Variants in RIN3 observed in about 807,000 individuals in gnomAD.
RIN3 encodes the protein Ras and Rab interactor 3.
Under a neutral mutation model 76.3 loss-of-function variants are expected in RIN3, and 54 were observed. The observed-to-expected ratio is 0.71, with a 90% CI of 0.57 to 0.89. The LOEUF is 0.89. RIN3 is among the 40% of genes least tolerant of loss of function. RIN3 has a pLI of 0.00. For missense variants in RIN3, 1,256 were observed against 1,322.1 expected (o/e 0.95, Z 0.78); for synonymous variants, 576 against 564.0 (o/e 1.02, Z -0.30).
chr14:92,688,041 A>G lies in RIN3; in HGVS notation c.2747A>G (p.Glu916Gly). 6.3e-7 allele frequency: 1 copy of G among 1,597,638 alleles called. No homozygotes were observed. Among genetic ancestry groups the G allele is most frequent in the Non-Finnish European group, 8.5e-7 (1 of 1,173,716 alleles). Residue 916 changes from glutamate to glycine, a missense_variant, in exon 10 of 10, where the codon GAG becomes GGG. Coordinates refer to ENST00000216487, the MANE Select transcript of RIN3 (RefSeq NM_024832.5). ...CAQCAEKFAV[E>G]RPQAHRLFVL... ...CAGTGCGCGGAGAAGTTCGCGGTGG[A>G]GCGGCCGCAGGCGCACCGGCTGTTC...
intron 1 of RIN3, among the ~76,000 whole-genome samples, chr14:92,522,792 A>G (rs1272411045): frequency 6.6e-6 from 1 of 152,084 alleles, no homozygotes; most frequent in Non-Finnish European, 1.5e-5. Context: ...ACATTTCCCA[A>G]TTTTCTTGCA....
intron 1 of RIN3, among the ~76,000 whole-genome samples, chr14:92,541,213 T>C (rs1400884257): frequency 6.6e-6 from 1 of 152,244 alleles, no homozygotes; most frequent in East Asian, 1.9e-4. Flanking sequence ...ACTACCCATC[T>C]CATAAACCCT....
intron 2 of RIN3, among the ~76,000 whole-genome samples, chr14:92,556,952 G>T (rs1897601619): frequency 6.6e-6 from 1 of 151,922 alleles, no homozygotes; most frequent in Non-Finnish European, 1.5e-5. Context: ...GACACAATGT[G>T]GTACAACCAC....
At chr14:92,565,351 A>G (rs1897889780) in intron 2 of RIN3, among the ~76,000 whole-genome samples, 2 of 152,194 alleles carry the variant, frequency 1.3e-5, no homozygotes, top group African/African-American at 4.8e-5. Context: ...AGGGGTCCCA[A>G]GCCAGACCCT....
At chr14:92,665,374 T>C (rs1219263482) in intron 7 of RIN3, among the ~76,000 whole-genome samples, 2 of 50,950 alleles carry the variant, frequency 3.9e-5, no homozygotes, top group South Asian at 5.1e-4. Context: ...TTGTCTCTTT[T>C]TTTTTTTTTT....
intron 1 of RIN3, among the ~76,000 whole-genome samples, chr14:92,530,267 T>TG (rs1896850679): frequency 6.6e-6 from 1 of 152,218 alleles, no homozygotes; most frequent in African/African-American, 2.4e-5. Flanking sequence ...CCTCCAGTCT[T>TG]GGGGCCTTGG....
intron 5 of RIN3, among the ~76,000 whole-genome samples, chr14:92,650,383 G>T (rs1181696033): frequency 1.3e-5 from 2 of 152,200 alleles, no homozygotes; most frequent in African/African-American, 4.8e-5. Context: ...TCAGGGGTCG[G>T]CAAGATAACC....
chr14:92,687,498 G>T, intron 9 of RIN3: 1 of 190,506 alleles, frequency 5.2e-6, no homozygotes, highest in Non-Finnish European at 1.1e-5. Context: ...TGTGTTGCCC[G>T]CCCGCACTAT....
chr14:92,632,045 C>T (rs1013547938), intron 4 of RIN3, among the ~76,000 whole-genome samples: 1 of 152,104 alleles, frequency 6.6e-6, no homozygotes, highest in African/African-American at 2.4e-5. Context: ...AGTAGGGAAG[C>T]AGGACTGGGA....
At chr14:92,600,663 A>G (rs1595446307) in intron 3 of RIN3, among the ~76,000 whole-genome samples, 1 of 152,164 alleles carries the variant, frequency 6.6e-6, no homozygotes, top group East Asian at 1.9e-4. Flanking sequence ...GCCAGGCAGC[A>G]CACTAGGTGT....
At chr14:92,544,422 GGGGGGGGGTGGGGGC>G (rs1897202968) in intron 1 of RIN3, among the ~76,000 whole-genome samples, 3 of 134,706 alleles carry the variant, frequency 2.2e-5, no homozygotes, top group Middle Eastern at 3.6e-3. Flanking sequence ...TGTGGGGGGG[GGGGGGGGGTGGGGGC>G]GGGGGTCCCA....
rs1183031203 is a variant in RIN3, at chr14:92,652,818, T to C, written c.1769T>C (p.Met590Thr). The C allele has an allele frequency of 5.6e-6, 9 of 1,614,082 alleles. No homozygotes were observed. The highest frequency in any genetic ancestry group is 6.8e-6 in the Non-Finnish European group (8 of 1,180,032). The change falls in exon 6 of 10, where the codon ATG (methionine) becomes ACG (threonine). Residue 590 changes from methionine (M) to threonine (T), a missense_variant. By Grantham distance (81) the Met-to-Thr change is moderately conservative. This residue lies in a region of RIN3 where 428 missense variants were observed against 521.2 expected (regional missense o/e 0.82). Coordinates refer to ENST00000216487, the MANE Select transcript of RIN3 (RefSeq NM_024832.5). This position sits in a 1 kb window ranked among gnomAD's most constrained non-coding sequence, Gnocchi z 6.4. ...HRLSFASFSSMFHAFLSNNRK... is the reference protein window; with the variant it reads ...HRLSFASFSSTFHAFLSNNRK... ...CTGAGCTTTGCCAGTTTCAGCAGCA[T>C]GTTCCACGCTTTCCTCTCCAACAAC... is the stretch of plus-strand genomic sequence containing the variant.
At chr14:92,649,123 C>T (rs533042903) in intron 5 of RIN3, among the ~76,000 whole-genome samples, 19 of 152,242 alleles carry the variant, frequency 1.2e-4, no homozygotes, top group East Asian at 3.9e-4. Context: ...AAGGGCCTGC[C>T]GTATGCCCAG....
At chr14:92,616,433 G>A (rs1216302586) in intron 4 of RIN3, among the ~76,000 whole-genome samples, 1 of 152,142 alleles carries the variant, frequency 6.6e-6, no homozygotes, top group East Asian at 1.9e-4. Flanking sequence ...CTTTTACTTG[G>A]CCTACACTGT....
intron 1 of RIN3, among the ~76,000 whole-genome samples, chr14:92,544,308 C>T (rs1897195804): frequency 1.3e-5 from 2 of 151,800 alleles, no homozygotes; most frequent in African/African-American, 4.8e-5. Context: ...CCGCCTACAT[C>T]TACACCTGGA....
chr14:92,617,630 A>G (rs575730201), intron 4 of RIN3, among the ~76,000 whole-genome samples: 1 of 152,362 alleles, frequency 6.6e-6, no homozygotes, highest in South Asian at 2.1e-4. Context: ...TAATAGTAAG[A>G]AATTGGAGTA....
At chr14:92,548,276 C>G (rs1184321251) in intron 1 of RIN3, among the ~76,000 whole-genome samples, 1 of 151,998 alleles carries the variant, frequency 6.6e-6, no homozygotes, top group Non-Finnish European at 1.5e-5. Flanking sequence ...TGGTTAGAAG[C>G]GTAGACTCTG....
At position 92,669,292 on chromosome 14, in the gene RIN3, C is replaced by T. The variant is rs183308635; in HGVS notation, c.2336-7183C>T. ...GCAAAATATATCCTCCAAGGTGAAACGTGCAACTGGGGTCGATAAAGCAGG... is the reference window on the plus strand; with the variant it reads ...GCAAAATATATCCTCCAAGGTGAAATGTGCAACTGGGGTCGATAAAGCAGG... On this transcript the variant is annotated intron_variant, in intron 7 of 9. Coordinates refer to ENST00000216487, the MANE Select transcript of RIN3 (RefSeq NM_024832.5). Among the ~76,000 whole-genome samples, 43 of 152,230 alleles carry T rather than the reference C, an allele frequency of 2.8e-4. 1 individual carries two copies. Among genetic ancestry groups the T allele is most frequent in the African/African-American group, 8.7e-4 (36 of 41,526 alleles).
chr14:92,632,699 C>T (rs1227457510), intron 4 of RIN3, among the ~76,000 whole-genome samples: 5 of 152,174 alleles, frequency 3.3e-5, no homozygotes, highest in Non-Finnish European at 7.3e-5. Context: ...CTGTGCTGCC[C>T]CCACTCCAGC....
Sources: gnomAD v4.1 joint callset for allele counts (sites outside exome capture counted in the v4.1 genomes callset) on GRCh38, gnomAD v4.1.1 for gene constraint, gnomAD v4.1.1 regional missense constraint, Gnocchi (gnomAD v3.1) non-coding constraint, MANE v1.5 for transcripts, NCBI Gene and HGNC (gene_info 2026-07-23, HGNC 2026-07-21) for gene names.